Variants in CHST9 observed in about 807,000 individuals in gnomAD.
CHST9 encodes GalNAc-4-sulfotransferase 2.
Under a neutral mutation model 44.4 loss-of-function variants are expected in CHST9, and 41 were observed. That is an observed-to-expected ratio of 0.92 (90% CI 0.72 to 1.20). The LOEUF is 1.20. Among genes scored for constraint, CHST9 ranks in the 50% most tolerant of loss-of-function variants. The pLI is 0.00. For missense variants in CHST9, 504 were observed against 516.5 expected (o/e 0.98, Z 0.23); for synonymous variants, 171 against 178.4 (o/e 0.96, Z 0.33).
intron 4 of CHST9, among the ~76,000 whole-genome samples, chr18:26,972,655 T>C (rs1040950996): frequency 1.3e-5 from 2 of 151,990 alleles, no homozygotes; most frequent in African/African-American, 4.8e-5. Flanking sequence ...GGCAGAAAAA[T>C]AACCCGATTT....
At chr18:27,012,726 T>C (rs1221424428) in intron 4 of CHST9, among the ~76,000 whole-genome samples, 1 of 152,178 alleles carries the variant, frequency 6.6e-6, no homozygotes, top group Non-Finnish European at 1.5e-5. Flanking sequence ...AGACAGGATG[T>C]AGTGAACTTA....
chr18:27,062,210 G>A (rs1272448260), intron 2 of CHST9, among the ~76,000 whole-genome samples: 3 of 151,968 alleles, frequency 2.0e-5, no homozygotes, highest in Non-Finnish European at 4.4e-5. Context: ...TATGCACAAT[G>A]TGCAGGTTTG....
At chr18:27,122,391 T>C (rs28625571) in intron 2 of CHST9, among the ~76,000 whole-genome samples, 1,607 of 152,310 alleles carry the variant, frequency 0.011, 23 homozygotes, top group African/African-American at 0.034. Context: ...TAGACCTCTA[T>C]TCAGAGTTAC....
At chr18:27,134,360 G>A (rs2058496610) in intron 2 of CHST9, among the ~76,000 whole-genome samples, 1 of 151,904 alleles carries the variant, frequency 6.6e-6, no homozygotes, top group Admixed American at 6.6e-5. Flanking sequence ...AAGCAATAAG[G>A]TGGCTTTACT....
At chr18:26,932,750 C>T (rs2055902308) in intron 5 of CHST9, among the ~76,000 whole-genome samples, 2 of 152,172 alleles carry the variant, frequency 1.3e-5, no homozygotes, top group African/African-American at 4.8e-5. Flanking sequence ...TCTTCAACTC[C>T]CCAGATCCAT....
chr18:27,003,997 A>G (rs191087390), intron 4 of CHST9, among the ~76,000 whole-genome samples: 31 of 152,122 alleles, frequency 2.0e-4, no homozygotes, highest in African/African-American at 6.3e-4. Flanking sequence ...GAGCCTGGAA[A>G]CACATTTTAT....
intron 3 of CHST9, among the ~76,000 whole-genome samples, chr18:27,030,433 G>A (rs919981892): frequency 6.6e-6 from 1 of 152,188 alleles, no homozygotes; most frequent in Non-Finnish European, 1.5e-5. Context: ...CAAGTAAAGA[G>A]TATATGAGTA....
intron 5 of CHST9, among the ~76,000 whole-genome samples, chr18:26,929,757 A>G (rs1391743731): frequency 6.6e-6 from 1 of 151,546 alleles, no homozygotes; most frequent in African/African-American, 2.4e-5. Flanking sequence ...GGGTAGGAGG[A>G]GAGAGAGAGA....
At chr18:27,041,910 C>G (rs1235238865) in intron 3 of CHST9, among the ~76,000 whole-genome samples, 1 of 152,072 alleles carries the variant, frequency 6.6e-6, no homozygotes, top group Non-Finnish European at 1.5e-5. Context: ...ATCTAAGAGA[C>G]TTCATTTCAT....
chr18:27,172,951 C>G (rs774266157), intron 1 of CHST9, among the ~76,000 whole-genome samples: 5 of 151,950 alleles, frequency 3.3e-5, no homozygotes, highest in Admixed American at 6.6e-5. Context: ...CCACACATAT[C>G]TGCAGGAGCC....
intron 4 of CHST9, among the ~76,000 whole-genome samples, chr18:26,984,761 C>T (rs1232752795): frequency 6.8e-6 from 1 of 147,900 alleles, no homozygotes; most frequent in Non-Finnish European, 1.5e-5. Flanking sequence ...TGAAAAGCTA[C>T]TCAATCCTTC....
intron 2 of CHST9, among the ~76,000 whole-genome samples, chr18:27,089,090 AT>A (rs1423443115): frequency 6.6e-6 from 1 of 152,098 alleles, no homozygotes; most frequent in Non-Finnish European, 1.5e-5. Flanking sequence ...CCAATATTCC[AT>A]GTAATTGTTA....
At chr18:27,107,235 A>G (rs2058229464) in intron 2 of CHST9, among the ~76,000 whole-genome samples, 1 of 152,236 alleles carries the variant, frequency 6.6e-6, no homozygotes, top group Admixed American at 6.5e-5. Context: ...TTTATAAGCA[A>G]TGAAGAGTTA....
At chr18:26,964,127 GACA>G (rs377401078) in intron 4 of CHST9, among the ~76,000 whole-genome samples, 56 of 152,286 alleles carry the variant, frequency 3.7e-4, no homozygotes, top group African/African-American at 1.1e-3. Context: ...ACACAAGTTG[GACA>G]ACATTTATTA....
chr18:27,090,763 T>C (rs2058060409), intron 2 of CHST9, among the ~76,000 whole-genome samples: 2 of 152,240 alleles, frequency 1.3e-5, no homozygotes, highest in South Asian at 2.1e-4. Flanking sequence ...TGTAGATGTG[T>C]GGTGTTATTT....
chr18:27,153,471 G>A (rs1165120501), intron 1 of CHST9, among the ~76,000 whole-genome samples: 1 of 151,154 alleles, frequency 6.6e-6, no homozygotes, highest in Non-Finnish European at 1.5e-5. Flanking sequence ...CACTTCACAT[G>A]GCCTTTTCCT....
chr18:26,913,556 A>AG lies in CHST9; in HGVS notation c.*2702dup. ...TCCAGACAGGGGAATAACAGAGCGAAGGGGTCTGCCCATTGTGTTACTGCT... is the reference window on the plus strand; with the variant it reads ...TCCAGACAGGGGAATAACAGAGCGAAGGGGGTCTGCCCATTGTGTTACTGCT... On this transcript the variant is annotated 3_prime_UTR_variant, in exon 6 of 6. Transcript: ENST00000618847. 1 of 152,352 alleles carries AG rather than the reference A, an allele frequency of 6.6e-6. No individual in the cohort carries two copies. Among genetic ancestry groups the AG allele is most frequent in the South Asian group, 2.1e-4 (1 of 4,832 alleles). 9.4% of individuals were successfully genotyped at this position (152,352 alleles called of 1,614,324 possible).
intron 4 of CHST9, among the ~76,000 whole-genome samples, chr18:26,951,474 A>C (rs2056247276): frequency 6.6e-6 from 1 of 152,154 alleles, no homozygotes; most frequent in Non-Finnish European, 1.5e-5. Context: ...AACACACAGG[A>C]AAAAAGGGAA....
intron 2 of CHST9, among the ~76,000 whole-genome samples, chr18:27,119,797 TAA>T (rs764120225): frequency 3.3e-5 from 5 of 152,160 alleles, no homozygotes; most frequent in Admixed American, 2.6e-4. Flanking sequence ...GATGTTTTCT[TAA>T]AAGAGTCTTT....
Sources: allele counts gnomAD v4.1 joint callset (sites outside exome capture counted in the v4.1 genomes callset), GRCh38; gene constraint gnomAD v4.1.1; transcripts MANE v1.5; gene names NCBI Gene and HGNC (gene_info 2026-07-23, HGNC 2026-07-21).